Variants in TMEM268 observed in about 807,000 individuals in gnomAD.
The protein encoded by TMEM268 is transmembrane protein C9orf91.
A neutral mutation model predicts 39.1 loss-of-function variants in TMEM268; 24 were observed. The observed-to-expected ratio is 0.61, with a 90% CI of 0.44 to 0.86. The LOEUF is 0.86. TMEM268 is among the 40% of genes least tolerant of loss of function. The probability of loss-of-function intolerance (pLI) is 0.00; values close to 1 mark genes in which losing one functional copy is unlikely to be tolerated. For synonymous variants in TMEM268, 176 were observed against 173.5 expected (o/e 1.01, Z -0.12); for missense variants, 409 against 428.6 (o/e 0.95, Z 0.40).
upstream of TMEM268, among the ~76,000 whole-genome samples, chr9:114,607,807 C>T (rs1165246938): frequency 6.6e-6 from 1 of 152,052 alleles, no homozygotes; most frequent in Non-Finnish European, 1.5e-5. Context: ...GTTGGTTCGT[C>T]AGGTAGAACG....
intron 5 of TMEM268, among the ~76,000 whole-genome samples, chr9:114,630,462 C>T (rs1846347369): frequency 6.6e-6 from 1 of 152,200 alleles, no homozygotes; most frequent in Admixed American, 6.5e-5. Flanking sequence ...TAATAATGTC[C>T]ATCATTTCAT....
chr9:114,621,211 G>C (rs1387004267), intron 2 of TMEM268, among the ~76,000 whole-genome samples: 1 of 151,910 alleles, frequency 6.6e-6, no homozygotes, highest in African/African-American at 2.4e-5. Context: ...TGAGTGTGGT[G>C]GTGCATGCCT....
intron 5 of TMEM268, among the ~76,000 whole-genome samples, chr9:114,633,364 G>C (rs1278109890): frequency 6.6e-6 from 1 of 152,056 alleles, no homozygotes; most frequent in Non-Finnish European, 1.5e-5. Flanking sequence ...GTTTCACCAT[G>C]TTGGCCAGGC....
rs932985038 is a variant in TMEM268 at position 114,637,042 on chromosome 9, A to G, written c.638A>G (p.His213Arg). 23 of 1,612,744 alleles carry G rather than the reference A, an allele frequency of 1.4e-5. No individual in the cohort carries two copies. The highest frequency in any genetic ancestry group is 1.7e-5 in the Admixed American group (1 of 59,994). ...LENCVQFLSDHVQEMKTSQES... is the reference protein window; with the variant it reads ...LENCVQFLSDRVQEMKTSQES... ...AACTGTGTGCAGTTTTTGTCTGATC[A>G]TGTTCAAGAAATGAAGACTAGCCAA... The change falls in exon 7 of 9, where the codon CAT becomes CGT. Residue 213 changes from histidine to arginine, a missense_variant. Transcript: ENST00000288502.
intron 2 of TMEM268, among the ~76,000 whole-genome samples, chr9:114,620,025 C>A (rs922538317): frequency 6.6e-6 from 1 of 151,940 alleles, no homozygotes; most frequent in Non-Finnish European, 1.5e-5. Flanking sequence ...ACCATCCCGG[C>A]CAACATGGTG....
chr9:114,613,341 CA>C (rs1321660804), intron 1 of TMEM268, among the ~76,000 whole-genome samples: 5 of 152,236 alleles, frequency 3.3e-5, no homozygotes, highest in African/African-American at 1.2e-4. Context: ...CCAGCCTGGG[CA>C]TGGTCCCTCG....
chr9:114,638,813 C>A, intron 8 of TMEM268, 87 bp downstream of exon 8: 1 of 1,010,018 alleles, frequency 9.9e-7, no homozygotes, highest in Non-Finnish European at 1.4e-6. Flanking sequence ...TTAGATTCCC[C>A]AAGACATGCT....
chr9:114,621,415 A>G (rs1845942424), intron 2 of TMEM268, among the ~76,000 whole-genome samples: 1 of 152,204 alleles, frequency 6.6e-6, no homozygotes, highest in Non-Finnish European at 1.5e-5. Flanking sequence ...CGTGTATTTA[A>G]TGTGCCTCCT....
intron 2 of TMEM268, among the ~76,000 whole-genome samples, chr9:114,623,304 C>T (rs757785830): frequency 3.9e-5 from 6 of 152,122 alleles, no homozygotes; most frequent in Non-Finnish European, 5.9e-5. Context: ...CGTGCCACCA[C>T]GCCCGGCTAA....
chr9:114,643,075 G>T, intron 8 of TMEM268, 59 bp from the exon 9 acceptor site: 1 of 1,567,228 alleles, frequency 6.4e-7, no homozygotes, highest in Admixed American at 1.7e-5. Flanking sequence ...TGGTGCCTAA[G>T]CCCTTTTTCC....
intron 5 of TMEM268, among the ~76,000 whole-genome samples, chr9:114,630,318 GA>G (rs1432339442): frequency 1.1e-5 from 1 of 89,450 alleles, no homozygotes; most frequent in Non-Finnish European, 2.5e-5. Flanking sequence ...ATCCATCCAA[GA>G]CAGGTCTTAC....
the TMEM268 span, among the ~76,000 whole-genome samples, chr9:114,605,053 TTGAG>T: frequency 6.6e-6 from 1 of 152,214 alleles, no homozygotes; most frequent in Non-Finnish European, 1.5e-5. Context: ...TTGAGCCTGA[TTGAG>T]TAAGGCCCGT....
Position 114,632,547 on chromosome 9 carries a change from C to T in TMEM268, c.475-1221C>T, listed in dbSNP as rs774118161. Among the ~76,000 whole-genome samples the T allele has an allele frequency of 3.7e-4, 56 of 152,278 alleles. 1 individual carries two copies. In the Middle Eastern group the frequency reaches 0.014, roughly 37 times the overall value. ...CCCACCTGTTTAGCATCCACTCTCCCAGCTGAATGCGTGGCGTCCATTGGT... is the reference window on the plus strand; with the variant it reads ...CCCACCTGTTTAGCATCCACTCTCCTAGCTGAATGCGTGGCGTCCATTGGT... On this transcript the variant is annotated intron_variant, in intron 5 of 8. Coordinates refer to ENST00000288502, the MANE Select transcript of TMEM268 (RefSeq NM_153045.4).
intron 2 of TMEM268, chr9:114,624,122 C>T: frequency 1.2e-6 from 1 of 806,500 alleles, no homozygotes. Flanking sequence ...TATGGTCTCA[C>T]ATTGTGGTCC....
In TMEM268 at chr9:114,628,263, G is replaced by A; in HGVS notation, c.474+13G>A. On this transcript the variant is annotated intron_variant, in intron 5 of 8. Transcript: ENST00000288502. ...ACACCAGAAGAAGGTGAGATGTCTGGAGATCCCTGCCACACTCTCTCCAGA... is the reference window on the plus strand; with the variant it reads ...ACACCAGAAGAAGGTGAGATGTCTGAAGATCCCTGCCACACTCTCTCCAGA... 6.2e-7 allele frequency: 1 copy of A among 1,611,638 alleles called. No homozygotes were observed. Among genetic ancestry groups the A allele is most frequent in the Non-Finnish European group, 8.5e-7 (1 of 1,179,490 alleles).
intron 7 of TMEM268, among the ~76,000 whole-genome samples, chr9:114,637,530 G>A (rs1024398946): frequency 6.6e-6 from 1 of 152,104 alleles, no homozygotes; most frequent in African/African-American, 2.4e-5. Context: ...CTGACCTCAG[G>A]TGATCCGTCT....
rs1191773915 is a variant in TMEM268, at chr9:114,643,935, C to G, written c.*622C>G. 6.6e-6 allele frequency: 1 copy of G among 152,192 alleles called. No individual in the cohort carries two copies. The allele number at this position is 152,192 out of a possible 1,614,324, so 9.4% of individuals were successfully genotyped here. Reference sequence around the variant, plus strand: ...CTACCAGTACACAGGCTGCAGAAGACAGAGACAGAAGAAAGAGATCAAGGG... The same window carrying G: ...CTACCAGTACACAGGCTGCAGAAGAGAGAGACAGAAGAAAGAGATCAAGGG... On this transcript the variant is annotated 3_prime_UTR_variant, in exon 9 of 9. Coordinates refer to ENST00000288502, the MANE Select transcript of TMEM268 (RefSeq NM_153045.4).
chr9:114,624,741 C>A (rs373581791), intron 3 of TMEM268, among the ~76,000 whole-genome samples: 2 of 152,092 alleles, frequency 1.3e-5, no homozygotes, highest in African/African-American at 2.4e-5. Flanking sequence ...CAGATCCCAG[C>A]GGGGAAGATG....
chr9:114,618,372 C>G (rs1845817732), intron 2 of TMEM268, among the ~76,000 whole-genome samples: 1 of 151,894 alleles, frequency 6.6e-6, no homozygotes, highest in Admixed American at 6.6e-5. Flanking sequence ...TTCTATTCAT[C>G]CATCAGACAT....
Sources: gnomAD v4.1 joint callset for allele counts (sites outside exome capture counted in the v4.1 genomes callset) on GRCh38, gnomAD v4.1.1 for gene constraint, MANE v1.5 for transcripts, NCBI Gene and HGNC (gene_info 2026-07-23, HGNC 2026-07-21) for gene names.